Variants in FOXN3 observed in about 807,000 individuals in gnomAD.
FOXN3 encodes the protein forkhead box N3.
A neutral mutation model predicts 38.4 loss-of-function variants in FOXN3; 7 were observed. That is an observed-to-expected ratio of 0.18 (90% CI 0.10 to 0.34). The LOEUF is 0.34. FOXN3 is among the 10% of genes least tolerant of loss of function. The pLI, the probability that FOXN3 is intolerant of heterozygous loss-of-function variation, is 1.00. For missense variants in FOXN3, 456 were observed against 613.4 expected, an observed-to-expected ratio of 0.74 and a Z score of 2.71; for synonymous variants, 230 against 242.2, an observed-to-expected ratio of 0.95 and a Z score of 0.47.
chr14:89,231,938 G>T (rs1884824476), intron 4 of FOXN3, among the ~76,000 whole-genome samples: 1 of 152,212 alleles, frequency 6.6e-6, no homozygotes, highest in Non-Finnish European at 1.5e-5. Flanking sequence ...ATTTGCAAGA[G>T]CTGGGAGAGG....
At chr14:89,350,511 TA>T in intron 3 of FOXN3, 160 bp downstream of exon 3, 1 of 570,670 alleles carries the variant, frequency 1.8e-6, no homozygotes, top group Admixed American at 4.1e-5. Flanking sequence ...TTGTAGGAAA[TA>T]CAACAGTGGA....
rs377584124 is a variant in FOXN3, at chr14:89,585,187, G to A, written c.-15+33841C>T. Among the ~76,000 whole-genome samples, 16 of 152,036 alleles carry A rather than the reference G, an allele frequency of 1.1e-4. No homozygotes were observed. In the South Asian group the frequency reaches 2.1e-3, roughly 20 times the overall value. On this transcript the variant is annotated intron_variant, in intron 1 of 6. Transcript: ENST00000345097. ...TAATTTTGCTGATGCTGTTTCCTTC[G>A]CTTTAAATAACTTAATGCCTTCTTC... is the stretch of plus-strand genomic sequence containing the variant.
At chr14:89,237,861 A>G (rs1291741861) in intron 4 of FOXN3, among the ~76,000 whole-genome samples, 1 of 152,168 alleles carries the variant, frequency 6.6e-6, no homozygotes, top group Non-Finnish European at 1.5e-5. Flanking sequence ...CATCACATCT[A>G]TCTATCTGTC....
At chr14:89,609,594 T>G (rs1896350362) in intron 1 of FOXN3, among the ~76,000 whole-genome samples, 1 of 152,174 alleles carries the variant, frequency 6.6e-6, no homozygotes, top group Non-Finnish European at 1.5e-5. Flanking sequence ...AGAGTTTTAT[T>G]TCCATAGTAC....
In FOXN3 at chr14:89,412,868, T is replaced by G. The variant is rs1207407433; in HGVS notation, c.-14-378A>C. 6.6e-6 allele frequency among the ~76,000 whole-genome samples: 1 copy of G among 152,128 alleles called. No individual in the cohort carries two copies. The highest frequency in any genetic ancestry group is 2.4e-5 in the African/African-American group (1 of 41,408). On this transcript the variant is annotated intron_variant, in intron 1 of 5. Coordinates refer to ENST00000557258, the MANE Select transcript of FOXN3 (RefSeq NM_005197.4). This position sits in a 1 kb window ranked among gnomAD's most constrained non-coding sequence, Gnocchi z 4.7. Reference sequence around the variant, plus strand: ...ACGTTAAATTTTACTGTGAATTATTTTTTCTTCCAGAACAGAAGAAAAGCA... The same window carrying G: ...ACGTTAAATTTTACTGTGAATTATTGTTTCTTCCAGAACAGAAGAAAAGCA...
intron 3 of FOXN3, chr14:89,290,299 G>T: frequency 3.0e-6 from 1 of 336,880 alleles, no homozygotes; most frequent in South Asian, 2.6e-5. Context: ...TATTCATTTT[G>T]GATGATATGA....
intron 3 of FOXN3, among the ~76,000 whole-genome samples, chr14:89,286,288 G>A (rs1886626812): frequency 6.6e-6 from 1 of 152,120 alleles, no homozygotes; most frequent in Non-Finnish European, 1.5e-5. Flanking sequence ...AGTGCTTGGG[G>A]CGGGAAGAAA....
At chr14:89,563,859 G>GT (rs1018065001) in intron 1 of FOXN3, among the ~76,000 whole-genome samples, 3 of 151,754 alleles carry the variant, frequency 2.0e-5, no homozygotes, top group African/African-American at 4.8e-5. Context: ...GAAGGTTTTG[G>GT]TTTTTTTTGA....
intron 2 of FOXN3, among the ~76,000 whole-genome samples, chr14:89,360,354 G>GAGGGAGGGAGGGAGAAAGGGAA (rs1555421023): frequency 4.0e-3 from 92 of 23,272 alleles, no homozygotes; most frequent in African/African-American, 8.1e-3. Flanking sequence ...AAGAGAAAGG[G>GAGGGAGGGAGGGAGAAAGGGAA]AGGGAGGGAG....
intron 1 of FOXN3, among the ~76,000 whole-genome samples, chr14:89,485,434 G>A (rs1596293561): frequency 6.6e-6 from 1 of 152,060 alleles, no homozygotes. Context: ...TCTCAGAATC[G>A]CCCCTTGTGA....
At chr14:89,383,209 G>A (rs2140069123) in intron 2 of FOXN3, among the ~76,000 whole-genome samples, 1 of 152,130 alleles carries the variant, frequency 6.6e-6, no homozygotes, top group Admixed American at 6.5e-5. Flanking sequence ...TTGGGAAAAT[G>A]AGCTTTTATC....
chr14:89,501,087 CAG>C (rs971810863), intron 1 of FOXN3, among the ~76,000 whole-genome samples: 9 of 152,132 alleles, frequency 5.9e-5, no homozygotes, highest in African/African-American at 2.2e-4. Flanking sequence ...GGATGGGACA[CAG>C]ATATCTAGCC....
At chr14:89,395,612 C>T (rs190728210) in intron 2 of FOXN3, among the ~76,000 whole-genome samples, 158 of 152,156 alleles carry the variant, frequency 1.0e-3, no homozygotes, top group African/African-American at 3.7e-3. Flanking sequence ...GAAACTATAC[C>T]TTCATCATCC....
chr14:89,401,033 C>A (rs1235644200), intron 2 of FOXN3, among the ~76,000 whole-genome samples: 1 of 152,144 alleles, frequency 6.6e-6, no homozygotes, highest in Non-Finnish European at 1.5e-5. Flanking sequence ...CCTCAGCACC[C>A]AAAACAGTGC....
At chr14:89,480,528 T>G (rs1363831721) in intron 1 of FOXN3, among the ~76,000 whole-genome samples, 1 of 152,096 alleles carries the variant, frequency 6.6e-6, no homozygotes, top group Non-Finnish European at 1.5e-5. Flanking sequence ...ATTTTGAACA[T>G]GGATTTCTTT....
At chr14:89,474,868 TGCAGTGGCA>T in intron 1 of FOXN3, among the ~76,000 whole-genome samples, 1 of 152,284 alleles carries the variant, frequency 6.6e-6, no homozygotes, top group South Asian at 2.1e-4. Flanking sequence ...CAGGCTGGAG[TGCAGTGGCA>T]CAATCTCAGC....
intron 1 of FOXN3, among the ~76,000 whole-genome samples, chr14:89,540,505 C>T (rs982995435): frequency 2.4e-4 from 37 of 152,080 alleles, no homozygotes; most frequent in Non-Finnish European, 4.1e-4. Context: ...GAAGCCAAGG[C>T]GGGCGGATCG....
chr14:89,213,661 C>T (rs1243454446), intron 4 of FOXN3, among the ~76,000 whole-genome samples: 1 of 152,160 alleles, frequency 6.6e-6, no homozygotes, highest in Non-Finnish European at 1.5e-5. Context: ...TTTTGGCTAG[C>T]TACTGGTTTG....
chr14:89,464,495 G>C (rs1023555219), intron 1 of FOXN3, among the ~76,000 whole-genome samples: 8 of 152,120 alleles, frequency 5.3e-5, no homozygotes, highest in African/African-American at 1.9e-4. Flanking sequence ...TGCTGAGAAA[G>C]CTTCCTTAAC....
Sources: gnomAD v4.1 joint callset for allele counts (sites outside exome capture counted in the v4.1 genomes callset) on GRCh38, gnomAD v4.1.1 for gene constraint, Gnocchi (gnomAD v3.1) non-coding constraint, MANE v1.5 for transcripts, NCBI Gene and HGNC (gene_info 2026-07-23, HGNC 2026-07-21) for gene names.